AADACL2: variants seen among roughly 807,000 people sequenced by gnomAD.
The protein encoded by AADACL2 is arylacetamide deacetylase-like 2.
AADACL2 carries 23 observed loss-of-function variants against 22.3 expected under a neutral mutation model. The observed-to-expected ratio is 1.03, with a 90% CI of 0.74 to 1.46. AADACL2 has a LOEUF of 1.46. Among genes scored for constraint, AADACL2 ranks in the 40% most tolerant of loss-of-function variants. AADACL2 has a pLI of 0.00. For missense variants in AADACL2, 472 were observed against 482.9 expected, an observed-to-expected ratio of 0.98 and a Z score of 0.21; for synonymous variants, 177 against 166.2, an observed-to-expected ratio of 1.07 and a Z score of -0.50.
At chr3:151,750,351 A>G (rs993650015) in intron 4 of AADACL2, among the ~76,000 whole-genome samples, 2 of 152,144 alleles carry the variant, frequency 1.3e-5, no homozygotes, top group African/African-American at 4.8e-5. Flanking sequence ...ATGCTTACTC[A>G]TTACGTCAGC....
chr3:151,747,420 T>A (rs1366155842), intron 4 of AADACL2, among the ~76,000 whole-genome samples: 2 of 152,042 alleles, frequency 1.3e-5, no homozygotes, highest in African/African-American at 4.8e-5. Flanking sequence ...TTCATCTATA[T>A]CCCCAGCTCC....
intron 1 of AADACL2, among the ~76,000 whole-genome samples, chr3:151,738,085 C>T (rs1713154295): frequency 6.6e-6 from 1 of 152,124 alleles, no homozygotes; most frequent in African/African-American, 2.4e-5. Flanking sequence ...TTTTCAGTGG[C>T]TGGTACCAGT....
rs1256030871 is a variant in AADACL2 at position 151,757,544 on chromosome 3, G to A, written c.1156G>A (p.Gly386Ser). 6.2e-7 allele frequency: 1 copy of A among 1,613,060 alleles called. No homozygotes were observed. Among genetic ancestry groups the A allele is most frequent in the East Asian group, 2.2e-5 (1 of 44,846 alleles). The change falls in exon 5 of 5, where the codon GGT becomes AGT. Residue 386 changes from glycine (G) to serine (S), a missense_variant. Coordinates refer to ENST00000356517, the MANE Select transcript of AADACL2 (RefSeq NM_207365.4). ...GACTTCACCATTTTATTTACGTCTA[G>A]GTCTTAGGATAAGAGATATGTATGT... Reference protein sequence around the residue: ...FMTSPFYLRLGLRIRDMYVSW... With the variant: ...FMTSPFYLRLSLRIRDMYVSW...
At position 151,756,977 on chromosome 3, in the gene AADACL2, AC is replaced by A; in HGVS notation, c.604-13del. On this transcript the variant is annotated splice_polypyrimidine_tract_variant and intron_variant, in intron 4 of 4. Transcript: ENST00000356517. ...GGAAATGTTTGCATTACAGAATATT[AC>A]CATATATTTTCAGGTGCAGAATGAT... 1 of 1,573,474 alleles carries A rather than the reference AC, an allele frequency of 6.4e-7. No individual in the cohort carries two copies. The highest frequency in any genetic ancestry group is 8.6e-7 in the Non-Finnish European group (1 of 1,165,068).
chr3:151,744,841 T>A (rs1362027524), intron 3 of AADACL2, among the ~76,000 whole-genome samples: 34 of 152,140 alleles, frequency 2.2e-4, no homozygotes, highest in Non-Finnish European at 4.4e-5. Flanking sequence ...AAAAGCTCTA[T>A]GAATTGACTG....
Position 151,757,135 on chromosome 3 carries a change from C to T in AADACL2, c.747C>T (p.Leu249=), listed in dbSNP as rs760473210. The part of the protein sequence containing the change: ...IVLTRDVAIK[L]VSLYFTKDEA... ...TGACCAGGGATGTAGCCATAAAACT[C>T]GTGAGCTTATATTTCACCAAGGATG... Residue 249 remains leucine (L), a synonymous_variant, in exon 5 of 5, where the codon CTC becomes CTT. Coordinates refer to ENST00000356517, the MANE Select transcript of AADACL2 (RefSeq NM_207365.4). The T allele has an allele frequency of 9.3e-6, 15 of 1,613,038 alleles. No individual in the cohort carries two copies. The highest frequency in any genetic ancestry group is 2.2e-5 in the East Asian group (1 of 44,836).
Position 151,740,820 on chromosome 3 carries a change from C to T in AADACL2, c.313C>T (p.Arg105Ter), listed in dbSNP as rs200370690. Residue 105 changes from arginine to a stop codon, truncating the protein, a stop_gained, in exon 2 of 5, where the codon CGA becomes TGA. Transcript: ENST00000356517. LOFTEE classifies it high-confidence loss of function. ...AAAAAGAAAGTCAGAAACCCGAAGG[C>T]GAGCTGTGATATATTTTCATGGTGG... ...LPKRKSETRR[R>*]AVIYFHGGGF... The T allele has an allele frequency of 5.9e-5, 96 of 1,613,922 alleles. No individual in the cohort carries two copies. Among genetic ancestry groups the T allele is most frequent in the Non-Finnish European group, 7.1e-5 (84 of 1,179,942 alleles).
chr3:151,743,919 T>A (rs770388910), intron 2 of AADACL2, among the ~76,000 whole-genome samples, 174 bp from the exon 3 acceptor site: 7 of 151,988 alleles, frequency 4.6e-5, no homozygotes, highest in Admixed American at 6.6e-5. Context: ...CTGAAAAGAC[T>A]AGGAAGGGGA....
rs1277453223 is a variant in AADACL2 at position 151,746,124 on chromosome 3, C to T, written c.603+444C>T. On this transcript the variant is annotated intron_variant, in intron 4 of 4. Transcript: ENST00000356517. ...TATTAGATCCTCTTCAATTTCTCAGCAATATTTTACTATTTTCAGTGTAGA... is the reference window on the plus strand; with the variant it reads ...TATTAGATCCTCTTCAATTTCTCAGTAATATTTTACTATTTTCAGTGTAGA... 1.3e-4 allele frequency among the ~76,000 whole-genome samples: 20 copies of T among 152,014 alleles called. 1 individual carries two copies. Among genetic ancestry groups the T allele is most frequent in the Admixed American group, 1.3e-3 (20 of 15,270 alleles).
At chr3:151,736,782 C>T (rs1713102671) in intron 1 of AADACL2, among the ~76,000 whole-genome samples, 1 of 152,124 alleles carries the variant, frequency 6.6e-6, no homozygotes, top group Admixed American at 6.5e-5. Context: ...CTGCAATAAA[C>T]ATATGTATGC....
At position 151,757,836 on chromosome 3, in the gene AADACL2, T is replaced by A; in HGVS notation, c.*242T>A. Reference sequence around the variant, plus strand: ...TAATTTATTATAATTATGTTGGTTCTAATAAGAACCAATGCTTATTAAAGT... The same window carrying A: ...TAATTTATTATAATTATGTTGGTTCAAATAAGAACCAATGCTTATTAAAGT... On this transcript the variant is annotated 3_prime_UTR_variant, in exon 5 of 5. Transcript: ENST00000356517. 3.1e-6 allele frequency: 1 copy of A among 319,900 alleles called. No individual in the cohort carries two copies. Among genetic ancestry groups the A allele is most frequent in the Non-Finnish European group, 5.6e-6 (1 of 178,386 alleles). 19.8% of individuals were successfully genotyped at this position (319,900 alleles called of 1,614,324 possible). A position where few individuals can be genotyped will look rare whatever the true frequency, so the allele number is the denominator to read the frequency against.
At position 151,734,521 on chromosome 3, in the gene AADACL2, A is replaced by G. The variant is rs184358959; in HGVS notation, c.138+348A>G. Among the ~76,000 whole-genome samples the G allele has an allele frequency of 2.6e-5, 4 of 152,264 alleles. No homozygotes were observed. In the East Asian group the frequency reaches 7.7e-4, roughly 29 times the overall value. On this transcript the variant is annotated intron_variant, in intron 1 of 4. Coordinates refer to ENST00000356517, the MANE Select transcript of AADACL2 (RefSeq NM_207365.4). ...CTTTCAGGGACAACCTAGTCCTGTA[A>G]TTATCTTTTAGTTGTTTAGATACAC...
intron 1 of AADACL2, among the ~76,000 whole-genome samples, chr3:151,739,205 G>A (rs1414794808): frequency 6.6e-6 from 1 of 152,146 alleles, no homozygotes; most frequent in African/African-American, 2.4e-5. Flanking sequence ...TGTTGATGTT[G>A]ATGTGGTTGC....
In AADACL2 at chr3:151,757,523, TCAC is replaced by T. The variant is rs1364546341; in HGVS notation, c.1138_1140del (p.Pro380del). 3.1e-6 allele frequency: 5 copies of T among 1,613,404 alleles called. No homozygotes were observed. The highest frequency in any genetic ancestry group is 4.2e-6 in the Non-Finnish European group (5 of 1,179,580). On this transcript the variant is annotated inframe_deletion, in exon 5 of 5. Transcript: ENST00000356517. ...TCATGGAGCTTTATCATTCATGACT[TCAC>T]CATTTTATTTACGTCTAGGTCTTAG... is the stretch of plus-strand genomic sequence containing the variant.
At position 151,757,188 on chromosome 3, in the gene AADACL2, A is replaced by C. The variant is rs1713953104; in HGVS notation, c.800A>C (p.Asn267Thr). Residue 267 changes from asparagine (N) to threonine (T), a missense_variant, in exon 5 of 5, where the codon AAC (asparagine) becomes ACC (threonine). By Grantham distance (65) the Asn-to-Thr change is moderately conservative. This residue lies in a region of AADACL2 where 356 missense variants were observed against 365.5 expected (regional missense o/e 0.97). Coordinates refer to ENST00000356517, the MANE Select transcript of AADACL2 (RefSeq NM_207365.4). ...GCACTTCCCTGGGCAATGAGAAGAA[A>C]CCAACACATGCCTCTGGAGTCAAGA... Reference protein sequence around the residue: ...DEALPWAMRRNQHMPLESRHL... With the variant: ...DEALPWAMRRTQHMPLESRHL... The C allele has an allele frequency of 1.2e-6, 2 of 1,613,566 alleles. No individual in the cohort carries two copies. Among genetic ancestry groups the C allele is most frequent in the African/African-American group, 2.7e-5 (2 of 74,896 alleles).
chr3:151,751,111 T>C (rs1411725080), intron 4 of AADACL2, among the ~76,000 whole-genome samples: 8 of 152,166 alleles, frequency 5.3e-5, no homozygotes, highest in Non-Finnish European at 1.2e-4. Context: ...ACAGAACTTA[T>C]TTGCTATTTA....
chr3:151,761,129 A>ATATATTTT lies in AADACL2; in HGVS notation c.*3536_*3537insATATTTTT, dbSNP rs1714127657. On this transcript the variant is annotated 3_prime_UTR_variant, in exon 5 of 5. Coordinates refer to ENST00000356517, the MANE Select transcript of AADACL2 (RefSeq NM_207365.4). ...TTTTTTTATATATGGTGAGATATAT[A>ATATATTTT]TTTATATATGGTGAGATATATATAT... The ATATATTTT allele has an allele frequency of 1.5e-5, 2 of 135,772 alleles. No homozygotes were observed. Among genetic ancestry groups the ATATATTTT allele is most frequent in the Non-Finnish European group, 1.5e-5 (1 of 64,658 alleles). 8.4% of individuals were successfully genotyped at this position (135,772 alleles called of 1,614,324 possible).
chr3:151,751,972 C>A (rs776669188), intron 4 of AADACL2, among the ~76,000 whole-genome samples: 1 of 152,146 alleles, frequency 6.6e-6, no homozygotes, highest in African/African-American at 2.4e-5. Context: ...TGCAGATGAA[C>A]AGGCTGCAGA....
chr3:151,744,122 T>A lies in AADACL2; in HGVS notation c.391T>A (p.Trp131Arg). The A allele has an allele frequency of 6.2e-7, 1 of 1,613,808 alleles. No homozygotes were observed. Among genetic ancestry groups the A allele is most frequent in the Non-Finnish European group, 8.5e-7 (1 of 1,179,778 alleles). ...GAGGGCTTTTGACTTCCTGAATAGA[T>A]GGACGGCAAACACGCTTGATGCTGT... ...KQRAFDFLNR[W>R]TANTLDAVVV... Residue 131 changes from tryptophan (W) to arginine (R), a missense_variant, in exon 3 of 5, where the codon TGG becomes AGG. Trp to Arg is a moderately radical substitution (Grantham distance 101, BLOSUM62 -3). This residue lies in a region of AADACL2 where 356 missense variants were observed against 365.5 expected (regional missense o/e 0.97). Transcript: ENST00000356517.
Sources: allele counts gnomAD v4.1 joint callset (sites outside exome capture counted in the v4.1 genomes callset), GRCh38; gene constraint gnomAD v4.1.1; regional missense constraint gnomAD v4.1.1; transcripts MANE v1.5; gene names NCBI Gene and HGNC (gene_info 2026-07-23, HGNC 2026-07-21).